The following PTPRT variants were observed in gnomAD, a reference collection of about 807,000 sequenced individuals.
The protein encoded by PTPRT is receptor-type tyrosine-protein phosphatase T.
Under a neutral mutation model 176.8 loss-of-function variants are expected in PTPRT, and 56 were observed. The ratio of observed to expected loss-of-function variants is 0.32; its 90% CI spans 0.26 to 0.40. The LOEUF (loss-of-function observed/expected upper bound fraction) is 0.40, where lower values mean the gene tolerates loss of function less well. Ranked by LOEUF, PTPRT falls within the 10% of genes least tolerant of loss-of-function variation. The probability of loss-of-function intolerance (pLI) is 1.00; values close to 1 mark genes in which losing one functional copy is unlikely to be tolerated. For missense variants in PTPRT, 1,540 were observed against 1,908.2 expected (o/e 0.81, Z 3.60); for synonymous variants, 783 against 739.0 (o/e 1.06, Z -0.96).
chr20:42,307,970 T>G (rs139180123), intron 12 of PTPRT, among the ~76,000 whole-genome samples: 10 of 152,302 alleles, frequency 6.6e-5, no homozygotes, highest in African/African-American at 2.2e-4. Context: ...ATGCGAATTA[T>G]AATGCATCAG....
chr20:42,826,810 C>T (rs1319737175), intron 2 of PTPRT, among the ~76,000 whole-genome samples: 11 of 152,030 alleles, frequency 7.2e-5, no homozygotes, highest in Non-Finnish European at 4.4e-5. Context: ...TTCAAGAGAC[C>T]CATCTCACAT....
intron 7 of PTPRT, among the ~76,000 whole-genome samples, chr20:42,482,264 C>T (rs1568918765): frequency 2.0e-5 from 3 of 152,130 alleles, no homozygotes; most frequent in Admixed American, 1.3e-4. Context: ...GATTGCCATG[C>T]TTGAGTGGAC....
intron 7 of PTPRT, among the ~76,000 whole-genome samples, chr20:42,584,538 G>A (rs1355848114): frequency 1.9e-4 from 29 of 152,192 alleles, no homozygotes; most frequent in Admixed American, 1.4e-3. Flanking sequence ...ACCTAAAACA[G>A]GAGTCCTTTT....
chr20:42,550,075 A>T (rs2145610088), intron 7 of PTPRT, among the ~76,000 whole-genome samples: 1 of 152,244 alleles, frequency 6.6e-6, no homozygotes, highest in Admixed American at 6.5e-5. Context: ...CCATTTATAG[A>T]ATGACCACTC....
At chr20:42,493,071 TTGCAAATACCTAAC>T (rs2071588880) in intron 7 of PTPRT, among the ~76,000 whole-genome samples, 1 of 152,196 alleles carries the variant, frequency 6.6e-6, no homozygotes, top group Non-Finnish European at 1.5e-5. Flanking sequence ...CAACCATAAT[TTGCAAATACCTAAC>T]TGCCTCATGT....
intron 2 of PTPRT, among the ~76,000 whole-genome samples, chr20:42,832,457 G>C (rs190249208): frequency 6.6e-6 from 1 of 151,710 alleles, no homozygotes; most frequent in African/African-American, 2.4e-5. Context: ...CCCACAACAC[G>C]AATCTTCCTA....
intron 16 of PTPRT, among the ~76,000 whole-genome samples, chr20:42,197,481 C>T (rs2146668581): frequency 1.4e-5 from 2 of 144,426 alleles, no homozygotes; most frequent in East Asian, 2.1e-4. Flanking sequence ...AAACCAAATA[C>T]AATGTGAGCG....
intron 6 of PTPRT, among the ~76,000 whole-genome samples, chr20:42,744,389 A>T (rs2076659816): frequency 6.6e-6 from 1 of 152,236 alleles, no homozygotes. Context: ...CTTCAAAAAC[A>T]ATCAATACGT....
chr20:43,010,806 C>A (rs553498009), intron 1 of PTPRT, among the ~76,000 whole-genome samples: 1 of 152,030 alleles, frequency 6.6e-6, no homozygotes, highest in African/African-American at 2.4e-5. Flanking sequence ...AGGTTCTTCA[C>A]GTATCAAGGA....
At chr20:42,342,944 G>A (rs1441685090) in intron 11 of PTPRT, among the ~76,000 whole-genome samples, 1 of 152,142 alleles carries the variant, frequency 6.6e-6, no homozygotes, top group Non-Finnish European at 1.5e-5. Flanking sequence ...AAATGCAAAA[G>A]GATCACAGAT....
chr20:42,472,868 T>C (rs1424497720), intron 7 of PTPRT, among the ~76,000 whole-genome samples: 2 of 152,206 alleles, frequency 1.3e-5, no homozygotes, highest in Non-Finnish European at 2.9e-5. Flanking sequence ...TGCATCAAAG[T>C]GCCACTGAAA....
In PTPRT at chr20:42,120,681, G is replaced by T. The variant is rs1352555247; in HGVS notation, c.2848-710C>A. Among the ~76,000 whole-genome samples, 4 of 152,338 alleles carry T rather than the reference G, an allele frequency of 2.6e-5. No individual in the cohort carries two copies. In the East Asian group the frequency reaches 7.7e-4, roughly 29 times the overall value. ...CATAACCTTCATCATTGGACAAGAG[G>T]TTGAAGGTGACCCCTCTTTTGCCTG... On this transcript the variant is annotated intron_variant, in intron 19 of 30. Coordinates refer to ENST00000373187, the MANE Select transcript of PTPRT (RefSeq NM_007050.6).
chr20:42,102,018 G>T, intron 26 of PTPRT, 106 bp downstream of exon 26: 1 of 1,341,460 alleles, frequency 7.5e-7, no homozygotes, highest in African/African-American at 1.5e-5. Context: ...GAAGCAGGGG[G>T]GGCTGGCTGG....
At chr20:42,738,464 G>A (rs1273015735) in intron 6 of PTPRT, among the ~76,000 whole-genome samples, 2 of 151,626 alleles carry the variant, frequency 1.3e-5, no homozygotes, top group African/African-American at 2.4e-5. Flanking sequence ...AGCCAAGATT[G>A]TACCACTGCA....
At chr20:42,645,764 ATG>A (rs59454108) in intron 7 of PTPRT, among the ~76,000 whole-genome samples, 2,797 of 139,050 alleles carry the variant, frequency 0.02, 27 homozygotes, top group Non-Finnish European at 0.028. Context: ...ATGTGTATTT[ATG>A]TGTGTGTGTG....
At chr20:42,401,639 T>C (rs1173169649) in intron 9 of PTPRT, among the ~76,000 whole-genome samples, 3 of 152,130 alleles carry the variant, frequency 2.0e-5, no homozygotes, top group African/African-American at 7.2e-5. Context: ...AATGTGAACT[T>C]AGACATTGTT....
chr20:42,173,033 G>A (rs576875173), intron 16 of PTPRT, among the ~76,000 whole-genome samples: 1 of 152,290 alleles, frequency 6.6e-6, no homozygotes, highest in South Asian at 2.1e-4. Context: ...CATACATGCT[G>A]TGCACTGTTC....
chr20:43,158,988 T>G (rs1455567570), intron 1 of PTPRT, among the ~76,000 whole-genome samples: 1 of 152,224 alleles, frequency 6.6e-6, no homozygotes, highest in Non-Finnish European at 1.5e-5. Context: ...GCCATTATTA[T>G]TAGCATTTGA....
At chr20:43,123,417 C>T (rs2013337789) in intron 1 of PTPRT, among the ~76,000 whole-genome samples, 1 of 152,168 alleles carries the variant, frequency 6.6e-6, no homozygotes, top group Admixed American at 6.5e-5. Flanking sequence ...GAGTGACAAG[C>T]ACCATGACTA....
Sources: allele counts gnomAD v4.1 joint callset (sites outside exome capture counted in the v4.1 genomes callset), GRCh38; gene constraint gnomAD v4.1.1; transcripts MANE v1.5; gene names NCBI Gene and HGNC (gene_info 2026-07-23, HGNC 2026-07-21).